AHI1: variants seen among roughly 807,000 people sequenced by gnomAD.
AHI1 encodes the protein jouberin.
AHI1 carries 123 observed loss-of-function variants against 149.3 expected under a neutral mutation model. The observed-to-expected ratio is 0.82, with a 90% CI of 0.71 to 0.96. The LOEUF (loss-of-function observed/expected upper bound fraction) is 0.96, where lower values mean the gene tolerates loss of function less well. AHI1 is among the 40% of genes least tolerant of loss of function. AHI1 has a pLI of 0.00. For missense variants in AHI1, 1,439 were observed against 1,422.7 expected, an observed-to-expected ratio of 1.01 and a Z score of -0.18; for synonymous variants, 475 against 459.8, an observed-to-expected ratio of 1.03 and a Z score of -0.42.
chr6:135,438,227 T>C (rs1485956680), intron 15 of AHI1, 148 bp downstream of exon 15: 3 of 664,642 alleles, frequency 4.5e-6, no homozygotes, highest in Non-Finnish European at 6.8e-6. Flanking sequence ...CTATAATTTA[T>C]GGAATCAGTC....
intron 24 of AHI1, among the ~76,000 whole-genome samples, chr6:135,348,376 C>T (rs1562549870): frequency 6.6e-6 from 1 of 152,164 alleles, no homozygotes; most frequent in South Asian, 2.1e-4. Context: ...GGTTTGCTTC[C>T]TGCTAGTGAC....
intron 5 of AHI1, among the ~76,000 whole-genome samples, chr6:135,473,279 A>G (rs937263973): frequency 3.3e-5 from 5 of 152,156 alleles, no homozygotes; most frequent in Non-Finnish European, 5.9e-5. Context: ...ATCTATTTCT[A>G]TACCCTATTC....
intron 26 of AHI1, among the ~76,000 whole-genome samples, chr6:135,306,362 G>C (rs1784536767): frequency 6.6e-6 from 1 of 152,162 alleles, no homozygotes; most frequent in Non-Finnish European, 1.5e-5. Flanking sequence ...TAAAATTACA[G>C]AAATATAGAG....
At position 135,455,904 on chromosome 6, in the gene AHI1, A is replaced by G. The variant is rs1217411934; in HGVS notation, c.1174T>C (p.Tyr392His). ...ATATAATCCACATTCTCTTTTTCAT[A>G]GTAAGATGAAACAGGCCGTCCACTG... The part of the protein sequence containing the change: ...DDSGRPVSSY[Y>H]EKENVDYILP... The change falls in exon 10 of 29, where the codon TAT becomes CAT. Residue 392 changes from tyrosine to histidine, a missense_variant. By Grantham distance (83) the Tyr-to-His change is moderately conservative (BLOSUM62 2). Coordinates refer to ENST00000265602, the MANE Select transcript of AHI1 (RefSeq NM_001134831.2). 6.6e-7 allele frequency: 1 copy of G among 1,514,012 alleles called. No individual in the cohort carries two copies. The highest frequency in any genetic ancestry group is 1.9e-5 in the Admixed American group (1 of 52,276). The allele number at this position is 1,514,012 out of a possible 1,614,324, so 93.8% of individuals were successfully genotyped here.
chr6:135,340,665 A>ATATATATATATATG (rs1562533427), intron 24 of AHI1, among the ~76,000 whole-genome samples: 18 of 107,860 alleles, frequency 1.7e-4, no homozygotes, highest in Non-Finnish European at 3.0e-4. Flanking sequence ...ATACATATAT[A>ATATATATATATATG]TATATATATA....
chr6:135,374,280 T>G (rs1177898225), intron 23 of AHI1, among the ~76,000 whole-genome samples: 1 of 151,268 alleles, frequency 6.6e-6, no homozygotes, highest in Non-Finnish European at 1.5e-5. Context: ...GCCTGGCTAA[T>G]TTTTTGTATT....
At chr6:135,342,799 TAC>T (rs1554284346) in intron 24 of AHI1, among the ~76,000 whole-genome samples, 1 of 151,422 alleles carries the variant, frequency 6.6e-6, no homozygotes, top group African/African-American at 2.4e-5. Flanking sequence ...ATATATAGGC[TAC>T]ACACACACAC....
intron 25 of AHI1, among the ~76,000 whole-genome samples, chr6:135,320,098 C>T (rs576247241): frequency 2.0e-5 from 3 of 152,132 alleles, no homozygotes; most frequent in Non-Finnish European, 4.4e-5. Flanking sequence ...ATTTTTTTCT[C>T]TAATGTTAAA....
chr6:135,349,278 T>C lies in AHI1; in HGVS notation c.3165+8854A>G, dbSNP rs142076611. ...GCTGGCAGGCATGCGCCACCACACC[T>C]GCCCCTTTTCTTATATTAGAAAAAA... On this transcript the variant is annotated intron_variant, in intron 24 of 28. Coordinates refer to ENST00000265602, the MANE Select transcript of AHI1 (RefSeq NM_001134831.2). Among the ~76,000 whole-genome samples, 455 of 152,322 alleles carry C rather than the reference T, an allele frequency of 3.0e-3. 1 individual carries two copies. The highest frequency in any genetic ancestry group is 0.011 in the African/African-American group (438 of 41,586).
intron 23 of AHI1, among the ~76,000 whole-genome samples, chr6:135,380,272 G>C (rs570744171): frequency 2.0e-5 from 3 of 151,988 alleles, no homozygotes; most frequent in African/African-American, 7.2e-5. Flanking sequence ...GAAAAGAAAT[G>C]CATCTGTAAT....
At chr6:135,484,885 T>C (rs1794242085) in intron 5 of AHI1, among the ~76,000 whole-genome samples, 2 of 152,256 alleles carry the variant, frequency 1.3e-5, no homozygotes, top group South Asian at 4.2e-4. Flanking sequence ...GAACAGAATA[T>C]CTTTCCACAC....
chr6:135,385,469 T>G (rs930341937), intron 23 of AHI1, among the ~76,000 whole-genome samples: 9 of 152,208 alleles, frequency 5.9e-5, no homozygotes, highest in Admixed American at 3.3e-4. Flanking sequence ...GCTGATAGGT[T>G]AAGCAAGATA....
In AHI1 at chr6:135,457,520, A is replaced by C; in HGVS notation, c.1125T>G (p.Thr375=). Residue 375 remains threonine (T), a synonymous_variant, in exon 9 of 29, where the codon ACT becomes ACG. Transcript: ENST00000265602. The part of the protein sequence containing the change: ...MVKIHVVDEH[T]GQYVKKDDSG... ...TATCATCTTTCTTGACATATTGACC[A>C]GTATGCTCATCAACCACATGAATTT... 1 of 1,613,748 alleles carries C rather than the reference A, an allele frequency of 6.2e-7. No individual in the cohort carries two copies. Among genetic ancestry groups the C allele is most frequent in the Non-Finnish European group, 8.5e-7 (1 of 1,179,716 alleles).
chr6:135,356,072 G>A (rs1407686655), intron 24 of AHI1, among the ~76,000 whole-genome samples: 1 of 152,196 alleles, frequency 6.6e-6, no homozygotes, highest in Admixed American at 6.5e-5. Flanking sequence ...GCATGAAAAT[G>A]GGTAAAGAAG....
chr6:135,464,947 T>C (rs963128273), intron 7 of AHI1, among the ~76,000 whole-genome samples: 23 of 152,212 alleles, frequency 1.5e-4, no homozygotes, highest in African/African-American at 5.3e-4. Context: ...CTTGTTGTCT[T>C]AAGCTGCTAA....
chr6:135,443,592 G>C (rs1786676121), intron 13 of AHI1, among the ~76,000 whole-genome samples: 1 of 152,140 alleles, frequency 6.6e-6, no homozygotes, highest in Non-Finnish European at 1.5e-5. Context: ...GTCAAGCCTA[G>C]CTTAATGGAC....
At position 135,299,915 on chromosome 6, in the gene AHI1, C is replaced by T. The variant is rs77847777; in HGVS notation, c.3485+585G>A. On this transcript the variant is annotated intron_variant, in intron 27 of 28. Coordinates refer to ENST00000265602, the MANE Select transcript of AHI1 (RefSeq NM_001134831.2). ...GTTAATGTTATTTCAAAATAGTACT[C>T]AAATAAAAATAAATGACAAAATAGG... is the stretch of plus-strand genomic sequence containing the variant. Among the ~76,000 whole-genome samples, 57 of 152,176 alleles carry T rather than the reference C, an allele frequency of 3.7e-4. No homozygotes were observed. In the East Asian group the frequency reaches 0.011, roughly 28 times the overall value.
chr6:135,468,778 A>G (rs919969907), intron 5 of AHI1, among the ~76,000 whole-genome samples: 1 of 152,044 alleles, frequency 6.6e-6, no homozygotes, highest in African/African-American at 2.4e-5. Flanking sequence ...GGACACATAC[A>G]CCCTCCCAAG....
chr6:135,369,667 C>T (rs1774739121), intron 23 of AHI1, among the ~76,000 whole-genome samples: 1 of 152,036 alleles, frequency 6.6e-6, no homozygotes, highest in Admixed American at 6.6e-5. Context: ...CTTCCCATGC[C>T]TCCTCTTCAT....
Sources: gnomAD v4.1 joint callset for allele counts (sites outside exome capture counted in the v4.1 genomes callset) on GRCh38, gnomAD v4.1.1 for gene constraint, MANE v1.5 for transcripts, NCBI Gene and HGNC (gene_info 2026-07-23, HGNC 2026-07-21) for gene names.